Variants in PPP3CA observed in about 807,000 individuals in gnomAD.
PPP3CA encodes CAM-PRP catalytic subunit.
Under a neutral mutation model 66.5 loss-of-function variants are expected in PPP3CA, and 14 were observed. The ratio of observed to expected loss-of-function variants is 0.21; its 90% CI spans 0.14 to 0.33. PPP3CA has a LOEUF of 0.33. Ranked by LOEUF, PPP3CA falls within the 10% of genes least tolerant of loss-of-function variation. The pLI is 1.00. For missense variants in PPP3CA, 317 were observed against 639.5 expected, an observed-to-expected ratio of 0.50 and a Z score of 5.44; for synonymous variants, 232 against 226.2, an observed-to-expected ratio of 1.03 and a Z score of -0.23.
At chr4:101,290,958 G>T (rs1728004080) in intron 1 of PPP3CA, among the ~76,000 whole-genome samples, 1 of 152,204 alleles carries the variant, frequency 6.6e-6, no homozygotes, top group Non-Finnish European at 1.5e-5. Flanking sequence ...GTATTTTGGT[G>T]TGAACAGGCA....
At chr4:101,050,640 T>C (rs1727968456) in intron 10 of PPP3CA, among the ~76,000 whole-genome samples, 1 of 152,150 alleles carries the variant, frequency 6.6e-6, no homozygotes, top group Non-Finnish European at 1.5e-5. Context: ...CTAAGGTCTT[T>C]AGCTAGAGGT....
At chr4:101,233,311 T>C (rs1047342186) in intron 1 of PPP3CA, among the ~76,000 whole-genome samples, 1 of 151,904 alleles carries the variant, frequency 6.6e-6, no homozygotes, top group Admixed American at 6.6e-5. Context: ...GCAGGGCTTT[T>C]AGTGCTAAAT....
At chr4:101,106,488 A>AG (rs1255704070) in intron 3 of PPP3CA, among the ~76,000 whole-genome samples, 4 of 72,012 alleles carry the variant, frequency 5.6e-5, no homozygotes, top group African/African-American at 3.3e-4. Flanking sequence ...AAGAAAAGAA[A>AG]AGAAAAGAAA....
rs1304206178 is a variant in PPP3CA, at chr4:101,040,419, A to G, written c.1241+63T>C. The G allele has an allele frequency of 7.8e-6, 9 of 1,146,822 alleles. No individual in the cohort carries two copies. In the East Asian group the frequency reaches 1.9e-4, roughly 24 times the overall value. 71.0% of individuals were successfully genotyped at this position (1,146,822 alleles called of 1,614,324 possible). A position where few individuals can be genotyped will look rare whatever the true frequency, so the allele number is the denominator to read the frequency against. ...ATTTAAATTACCAGATGAAAGTATT[A>G]AAGTATTTATTAGGTGACACATAAT... On this transcript the variant is annotated intron_variant, in intron 11 of 13. Transcript: ENST00000394854.
At chr4:101,085,830 G>GTA (rs34171833) in intron 6 of PPP3CA, among the ~76,000 whole-genome samples, 18 of 147,290 alleles carry the variant, frequency 1.2e-4, no homozygotes, top group Admixed American at 3.4e-4. Flanking sequence ...AAAGCACTGC[G>GTA]TATATACACA....
intron 2 of PPP3CA, among the ~76,000 whole-genome samples, chr4:101,165,443 C>T (rs556493608): frequency 6.6e-6 from 1 of 152,092 alleles, no homozygotes; most frequent in Admixed American, 6.6e-5. Flanking sequence ...CAGACAGACA[C>T]AAACTTAAAC....
intron 2 of PPP3CA, among the ~76,000 whole-genome samples, chr4:101,185,996 A>C (rs74534511): frequency 1.3e-3 from 203 of 152,304 alleles, no homozygotes; most frequent in Admixed American, 2.9e-3. Flanking sequence ...CTATCTAAAA[A>C]TGGTTTAAGT....
intron 1 of PPP3CA, among the ~76,000 whole-genome samples, chr4:101,268,436 T>C (rs1727235004): frequency 6.6e-6 from 1 of 152,106 alleles, no homozygotes. Flanking sequence ...CCTCACAGTT[T>C]TTATGGTGCC....
At chr4:101,097,723 T>C (rs1730261455) in intron 5 of PPP3CA, among the ~76,000 whole-genome samples, 4 of 152,152 alleles carry the variant, frequency 2.6e-5, no homozygotes, top group Non-Finnish European at 4.4e-5. Context: ...CCCATGTTAC[T>C]AGATTTACTC....
At chr4:101,105,099 G>C (rs868518835) in intron 3 of PPP3CA, among the ~76,000 whole-genome samples, 1 of 150,938 alleles carries the variant, frequency 6.6e-6, no homozygotes, top group Non-Finnish European at 1.5e-5. Flanking sequence ...ATTAATTGTA[G>C]ACTTTAAAAA....
At chr4:101,045,573 T>C (rs1727727222) in intron 10 of PPP3CA, among the ~76,000 whole-genome samples, 1 of 152,198 alleles carries the variant, frequency 6.6e-6, no homozygotes, top group African/African-American at 2.4e-5. Context: ...AGAGATTTTT[T>C]AAATGTGTAA....
chr4:101,038,678 C>A (rs1190821371), intron 11 of PPP3CA, among the ~76,000 whole-genome samples: 1 of 151,982 alleles, frequency 6.6e-6, no homozygotes, highest in Admixed American at 6.6e-5. Context: ...ACTTTATTTT[C>A]TTTTGTTAGT....
At chr4:101,092,441 T>A (rs949095414) in intron 6 of PPP3CA, among the ~76,000 whole-genome samples, 6 of 150,366 alleles carry the variant, frequency 4.0e-5, no homozygotes, top group Non-Finnish European at 7.4e-5. Flanking sequence ...TTTTTTTTTT[T>A]AATACTGGAG....
chr4:101,081,476 T>G (rs1729436778), intron 7 of PPP3CA, among the ~76,000 whole-genome samples: 1 of 152,162 alleles, frequency 6.6e-6, no homozygotes, highest in Non-Finnish European at 1.5e-5. Context: ...TAGTTCTCAA[T>G]TAAAAATACA....
chr4:101,204,253 T>TG (rs1378156544), intron 1 of PPP3CA, among the ~76,000 whole-genome samples: 4 of 152,142 alleles, frequency 2.6e-5, no homozygotes, highest in African/African-American at 9.7e-5. Context: ...GCAATCCTCC[T>TG]GCCTTAGCCT....
chr4:101,042,830 G>A (rs1270650539), intron 10 of PPP3CA, among the ~76,000 whole-genome samples: 2 of 148,340 alleles, frequency 1.3e-5, no homozygotes, highest in Non-Finnish European at 3.0e-5. Context: ...TTTAAAGTGG[G>A]ATGGCAAATA....
intron 1 of PPP3CA, among the ~76,000 whole-genome samples, chr4:101,292,048 G>T (rs1266085653): frequency 6.6e-6 from 1 of 150,544 alleles, no homozygotes; most frequent in East Asian, 2.0e-4. Context: ...GATCACCTGA[G>T]CCCGGGGAGT....
intron 1 of PPP3CA, among the ~76,000 whole-genome samples, chr4:101,344,546 T>C (rs2110345128): frequency 6.6e-6 from 1 of 152,310 alleles, no homozygotes; most frequent in East Asian, 1.9e-4. Context: ...TTTCCTATTT[T>C]GAGTCTACTA....
intron 2 of PPP3CA, among the ~76,000 whole-genome samples, chr4:101,164,566 T>TC (rs897193580): frequency 1.1e-4 from 17 of 148,668 alleles, no homozygotes; most frequent in African/African-American, 4.4e-4. Flanking sequence ...ATTTAAGTTT[T>TC]TTTTTTTTTT....
Sources: allele counts gnomAD v4.1 joint callset (sites outside exome capture counted in the v4.1 genomes callset), GRCh38; gene constraint gnomAD v4.1.1; transcripts MANE v1.5; gene names NCBI Gene and HGNC (gene_info 2026-07-23, HGNC 2026-07-21).